Variants in GRK5 observed in about 807,000 individuals in gnomAD.
The protein encoded by GRK5 is g protein-coupled receptor kinase GRK5.
In GRK5, 40 loss-of-function variants were observed where a neutral mutation model predicts 78.4. The ratio of observed to expected loss-of-function variants is 0.51; its 90% CI spans 0.40 to 0.66. The LOEUF is 0.66. GRK5 is among the 30% of genes least tolerant of loss of function. The pLI is 0.00. For missense variants in GRK5, 598 were observed against 759.9 expected (o/e 0.79, Z 2.50); for synonymous variants, 289 against 296.8 (o/e 0.97, Z 0.27).
intron 1 of GRK5, among the ~76,000 whole-genome samples, chr10:119,301,319 A>G (rs1378740511): frequency 6.6e-6 from 1 of 152,216 alleles, no homozygotes; most frequent in African/African-American, 2.4e-5. Flanking sequence ...GAAAGGAGCC[A>G]CGCAGCCTTG....
chr10:119,382,608 A>G (rs1851731318), intron 3 of GRK5, among the ~76,000 whole-genome samples: 1 of 152,132 alleles, frequency 6.6e-6, no homozygotes. Context: ...TCATCTGTGA[A>G]CTTTTCATTA....
At chr10:119,392,619 GT>G (rs1337452782) in intron 3 of GRK5, among the ~76,000 whole-genome samples, 2 of 152,126 alleles carry the variant, frequency 1.3e-5, no homozygotes, top group African/African-American at 4.8e-5. Context: ...GGGCAGGCTG[GT>G]CTCGAACTCC....
intron 1 of GRK5, among the ~76,000 whole-genome samples, chr10:119,322,216 G>A (rs1027268055): frequency 1.3e-5 from 2 of 152,162 alleles, no homozygotes; most frequent in Admixed American, 1.3e-4. Flanking sequence ...GCCTCCCAAA[G>A]TGCTGGGATT....
intron 1 of GRK5, among the ~76,000 whole-genome samples, chr10:119,270,882 C>T (rs918650792): frequency 6.6e-6 from 1 of 152,192 alleles, no homozygotes; most frequent in African/African-American, 2.4e-5. Flanking sequence ...CTTAAGAAAG[C>T]TCTGGAAATT....
chr10:119,371,547 G>A (rs1446995439), intron 2 of GRK5, among the ~76,000 whole-genome samples: 5 of 152,204 alleles, frequency 3.3e-5, no homozygotes, highest in Admixed American at 6.5e-5. Flanking sequence ...TTTGAACCTC[G>A]GGCATGTGCT....
intron 4 of GRK5, among the ~76,000 whole-genome samples, chr10:119,414,155 C>A (rs762827012): frequency 6.6e-6 from 1 of 152,210 alleles, no homozygotes; most frequent in Non-Finnish European, 1.5e-5. Context: ...AAAGCTGAGC[C>A]TGTCCACGTT....
chr10:119,273,668 G>A (rs1193576575), intron 1 of GRK5, among the ~76,000 whole-genome samples: 3 of 152,182 alleles, frequency 2.0e-5, no homozygotes, highest in African/African-American at 7.2e-5. Flanking sequence ...CCCTAGTTTC[G>A]TGATTTGGTT....
At chr10:119,207,996 G>C in intron 1 of GRK5, 27 bp downstream of exon 1, 1 of 1,596,814 alleles carries the variant, frequency 6.3e-7, no homozygotes, top group Non-Finnish European at 8.5e-7. Context: ...GTACGTGCCC[G>C]GCGCGTCCGC....
intron 1 of GRK5, among the ~76,000 whole-genome samples, chr10:119,286,846 G>C (rs750804688): frequency 6.6e-6 from 1 of 152,188 alleles, no homozygotes; most frequent in Admixed American, 6.5e-5. Context: ...GGGATCAAAG[G>C]CTCAGTGTGT....
intron 1 of GRK5, among the ~76,000 whole-genome samples, chr10:119,216,684 G>C (rs1848579786): frequency 6.6e-6 from 1 of 152,190 alleles, no homozygotes; most frequent in Non-Finnish European, 1.5e-5. Flanking sequence ...CAGGCGTGGT[G>C]GCTCACGCCT....
intron 1 of GRK5, among the ~76,000 whole-genome samples, chr10:119,301,612 C>T (rs537848625): frequency 5.9e-5 from 9 of 152,296 alleles, no homozygotes; most frequent in Middle Eastern, 3.4e-3. Flanking sequence ...TTTCTAGGAG[C>T]GTCTTGTCCT....
intron 10 of GRK5, among the ~76,000 whole-genome samples, chr10:119,440,470 C>G (rs565245134): frequency 6.6e-6 from 1 of 152,128 alleles, no homozygotes; most frequent in East Asian, 1.9e-4. Flanking sequence ...CTCTGCCTCC[C>G]AGGTTCAAGT....
intron 1 of GRK5, among the ~76,000 whole-genome samples, chr10:119,295,577 A>G (rs1203748795): frequency 6.6e-6 from 1 of 152,228 alleles, no homozygotes; most frequent in African/African-American, 2.4e-5. Context: ...CAATGAGTAG[A>G]TAAAGAAACT....
chr10:119,355,518 C>T lies in GRK5; in HGVS notation c.149-25297C>T, dbSNP rs180773655. On this transcript the variant is annotated intron_variant, in intron 2 of 15. Transcript: ENST00000392870. ...GCTCCTGGCTAGGTGTGGTGGCTCA[C>T]GCCTGTTATCCCAGCACTTTGGGAG... Among the ~76,000 whole-genome samples the T allele has an allele frequency of 1.4e-4, 22 of 152,284 alleles. No homozygotes were observed. In the South Asian group the frequency reaches 1.9e-3, roughly 13 times the overall value.
At chr10:119,309,518 G>A (rs1368287406) in intron 1 of GRK5, among the ~76,000 whole-genome samples, 7 of 152,216 alleles carry the variant, frequency 4.6e-5, no homozygotes, top group African/African-American at 1.7e-4. Context: ...AAGAGTCAGG[G>A]CAGAGTAATG....
intron 1 of GRK5, among the ~76,000 whole-genome samples, chr10:119,298,246 C>T (rs1300321065): frequency 6.6e-6 from 1 of 152,176 alleles, no homozygotes; most frequent in Non-Finnish European, 1.5e-5. Flanking sequence ...CTACTATATA[C>T]AAGGCACAAT....
At chr10:119,359,995 G>GGCTGAGGAGGCTGAGGAGGTGGAGGGAA (rs1367836646) in intron 2 of GRK5, among the ~76,000 whole-genome samples, 2 of 151,266 alleles carry the variant, frequency 1.3e-5, no homozygotes, top group African/African-American at 4.9e-5. Context: ...GGCGGAGGGA[G>GGCTGAGGAGGCTGAGGAGGTGGAGGGAA]GCTGAGGAGG....
At chr10:119,227,377 G>A (rs185204964) in intron 1 of GRK5, among the ~76,000 whole-genome samples, 11 of 152,236 alleles carry the variant, frequency 7.2e-5, no homozygotes, top group Admixed American at 7.2e-4. Context: ...GACCAGCCTG[G>A]GCAATATGGC....
At chr10:119,397,275 G>A (rs1157399108) in intron 4 of GRK5, among the ~76,000 whole-genome samples, 1 of 152,176 alleles carries the variant, frequency 6.6e-6, no homozygotes, top group Admixed American at 6.5e-5. Flanking sequence ...ACCCCACCTC[G>A]GGGCCACCCA....
Sources: allele counts gnomAD v4.1 joint callset (sites outside exome capture counted in the v4.1 genomes callset), GRCh38; gene constraint gnomAD v4.1.1; transcripts MANE v1.5; gene names NCBI Gene and HGNC (gene_info 2026-07-23, HGNC 2026-07-21).